Variants in MCCC1 observed in about 807,000 individuals in gnomAD.
The protein encoded by MCCC1 is methylcrotonoyl-CoA carboxylase subunit alpha, mitochondrial.
Under a neutral mutation model 83.8 loss-of-function variants are expected in MCCC1, and 64 were observed. That is an observed-to-expected ratio of 0.76 (90% CI 0.62 to 0.94). MCCC1 has a LOEUF of 0.94. Ranked by LOEUF, MCCC1 falls within the 40% of genes least tolerant of loss-of-function variation. The probability of loss-of-function intolerance (pLI) is 0.00; values close to 1 mark genes in which losing one functional copy is unlikely to be tolerated. For synonymous variants in MCCC1, 322 were observed against 315.4 expected (o/e 1.02, Z -0.22); for missense variants, 807 against 904.7 (o/e 0.89, Z 1.39).
At chr3:183,068,847 T>C (rs1716441731) in intron 7 of MCCC1, among the ~76,000 whole-genome samples, 1 of 152,230 alleles carries the variant, frequency 6.6e-6, no homozygotes, top group South Asian at 2.1e-4. Flanking sequence ...ACAGTAACGT[T>C]TGTACAGGTT....
At chr3:183,101,609 A>C (rs1420999499), upstream of MCCC1, among the ~76,000 whole-genome samples, 1 of 152,196 alleles carries the variant, frequency 6.6e-6, no homozygotes, top group Non-Finnish European at 1.5e-5. Flanking sequence ...CCCTGACAAA[A>C]CAGGCCACTG....
chr3:183,111,353 G>A lies in MCCC1; in HGVS notation c.-102+4121C>T, dbSNP rs562916139. On this transcript the variant is annotated intron_variant, in intron 1 of 17. Transcript: ENST00000492597. ...CTCACTCTGTCGCTCAGGCTGGAATGCAGTGGCGCAATCTCAGTTCACTGC... is the reference window on the plus strand; with the variant it reads ...CTCACTCTGTCGCTCAGGCTGGAATACAGTGGCGCAATCTCAGTTCACTGC... Among the ~76,000 whole-genome samples, 5 of 152,172 alleles carry A rather than the reference G, an allele frequency of 3.3e-5. No individual in the cohort carries two copies. The East Asian group carries it at 5.8e-4, about 18-fold the overall frequency.
chr3:183,047,987 A>G (rs1714678610), intron 9 of MCCC1, among the ~76,000 whole-genome samples: 1 of 152,236 alleles, frequency 6.6e-6, no homozygotes, highest in African/African-American at 2.4e-5. Context: ...GTATCTACAT[A>G]TATCTAAACC....
chr3:183,024,682 T>C (rs540726505), intron 15 of MCCC1, among the ~76,000 whole-genome samples: 23 of 151,632 alleles, frequency 1.5e-4, no homozygotes, highest in African/African-American at 5.3e-4. Context: ...ATTGGAGCCA[T>C]TGTGCACTGT....
At chr3:183,100,558 T>C (rs973012799), upstream of MCCC1, among the ~76,000 whole-genome samples, 3 of 152,364 alleles carry the variant, frequency 2.0e-5, no homozygotes, top group Admixed American at 6.5e-5. Flanking sequence ...TTCCAAACTC[T>C]TTTTAAAAAG....
chr3:183,097,953 C>T (rs969762375), intron 1 of MCCC1, among the ~76,000 whole-genome samples: 1 of 151,898 alleles, frequency 6.6e-6, no homozygotes, highest in African/African-American at 2.4e-5. Flanking sequence ...CTTACTCTGT[C>T]GCCCAGGCTG....
rs564941805 is a variant in MCCC1 at position 183,051,316 on chromosome 3, C to T, written c.955+843G>A. Among the ~76,000 whole-genome samples, 47 of 151,926 alleles carry T rather than the reference C, an allele frequency of 3.1e-4. No homozygotes were observed. The South Asian group carries it at 9.2e-3, about 30-fold the overall frequency. ...AAATAGATAATAAACTCTGAGACAT[C>T]GAGACAACGAAATATTATTCAGCAT... is the stretch of plus-strand genomic sequence containing the variant. On this transcript the variant is annotated intron_variant, in intron 9 of 18. Transcript: ENST00000265594.
chr3:183,105,827 C>T (rs946471715), intron 1 of MCCC1, among the ~76,000 whole-genome samples: 3 of 152,036 alleles, frequency 2.0e-5, no homozygotes, highest in Non-Finnish European at 4.4e-5. Context: ...CAGTGGCTCA[C>T]GCCTGTAATC....
chr3:183,023,250 A>G (rs909920506), intron 15 of MCCC1, among the ~76,000 whole-genome samples: 1 of 152,188 alleles, frequency 6.6e-6, no homozygotes, highest in Admixed American at 6.5e-5. Context: ...AATTCCCACA[A>G]TGCTAGTGTA....
At chr3:183,026,265 C>T (rs1392225488) in intron 14 of MCCC1, among the ~76,000 whole-genome samples, 1 of 152,160 alleles carries the variant, frequency 6.6e-6, no homozygotes, top group Admixed American at 6.5e-5. Context: ...TGGTCTTGAA[C>T]TCCTGGACTC....
At chr3:183,113,520 A>T (rs1238203341) in intron 1 of MCCC1, among the ~76,000 whole-genome samples, 2 of 151,750 alleles carry the variant, frequency 1.3e-5, no homozygotes, top group Non-Finnish European at 2.9e-5. Context: ...CATATGTAAC[A>T]AACCTGCACA....
intron 1 of MCCC1, among the ~76,000 whole-genome samples, chr3:183,106,529 C>T (rs201776650): frequency 2.1e-5 from 3 of 141,218 alleles, no homozygotes; most frequent in East Asian, 1.9e-4. Context: ...AACAGAGTCT[C>T]GCTCTGTCGC....
rs899496936 is a variant in MCCC1 at position 183,064,284 on chromosome 3, T to A, written c.761+6715A>T. On this transcript the variant is annotated intron_variant, in intron 7 of 18. Transcript: ENST00000265594. The surrounding 1 kb of genome is among the most constrained non-coding windows in gnomAD (Gnocchi z 4.5). Reference sequence around the variant, plus strand: ...CTAGAAAAGATCCCCCTTTTTTTTTTAATTCCAAGTGATAACTCTGTATTC... The same window carrying A: ...CTAGAAAAGATCCCCCTTTTTTTTTAAATTCCAAGTGATAACTCTGTATTC... Among the ~76,000 whole-genome samples, 9 of 145,176 alleles carry A rather than the reference T, an allele frequency of 6.2e-5. No homozygotes were observed. Among genetic ancestry groups the A allele is most frequent in the African/African-American group, 1.5e-4 (6 of 39,516 alleles).
rs1716117532 is a variant in MCCC1 at position 183,064,707 on chromosome 3, C to T, written c.761+6292G>A. 1.3e-5 allele frequency among the ~76,000 whole-genome samples: 2 copies of T among 152,318 alleles called. No individual in the cohort carries two copies. Among genetic ancestry groups the T allele is most frequent in the Admixed American group, 6.5e-5 (1 of 15,306 alleles). ...CGTCCTGGCATGGCTGCTGGGCCCA[C>T]GGCAGGCTGTTCGCGGGCAGCCGGC... On this transcript the variant is annotated intron_variant, in intron 7 of 18. Coordinates refer to ENST00000265594, the MANE Select transcript of MCCC1 (RefSeq NM_020166.5). This position sits in a 1 kb window ranked among gnomAD's most constrained non-coding sequence, Gnocchi z 4.5.
chr3:183,106,081 TAAA>T (rs563718218), intron 1 of MCCC1, among the ~76,000 whole-genome samples: 1 of 101,062 alleles, frequency 9.9e-6, no homozygotes, highest in Non-Finnish European at 2.0e-5. Flanking sequence ...AGAGAGTCCG[TAAA>T]AAAAAAAAAA....
chr3:183,024,593 A>G (rs1712426073), intron 15 of MCCC1, among the ~76,000 whole-genome samples: 1 of 149,482 alleles, frequency 6.7e-6, no homozygotes, highest in African/African-American at 2.5e-5. Context: ...ACTACCTCAC[A>G]CTCATTAGTA....
intron 5 of MCCC1, 82 bp from the exon 6 acceptor site, chr3:183,071,439 A>G: frequency 2.5e-6 from 4 of 1,581,730 alleles, no homozygotes; most frequent in Non-Finnish European, 3.5e-6. Flanking sequence ...AGCCCAGTCT[A>G]TAAATTACAA....
intron 10 of MCCC1, 130 bp from the exon 11 acceptor site, chr3:183,041,880 A>G: frequency 9.6e-7 from 1 of 1,038,740 alleles, no homozygotes; most frequent in Non-Finnish European, 1.5e-6. Flanking sequence ...AATAAAAACT[A>G]TTATTTTGTC....
chr3:183,082,278 A>G (rs541717017), intron 4 of MCCC1, among the ~76,000 whole-genome samples: 1 of 152,362 alleles, frequency 6.6e-6, no homozygotes, highest in East Asian at 1.9e-4. Flanking sequence ...TATGCATTTA[A>G]GTTACTTGTC....
Sources: allele counts gnomAD v4.1 joint callset (sites outside exome capture counted in the v4.1 genomes callset), GRCh38; gene constraint gnomAD v4.1.1; non-coding constraint Gnocchi (gnomAD v3.1); transcripts MANE v1.5; gene names NCBI Gene and HGNC (gene_info 2026-07-23, HGNC 2026-07-21).